Variants in SCRIB observed in about 807,000 individuals in gnomAD.
SCRIB encodes the protein scribble planar cell polarity protein.
Under a neutral mutation model 170.0 loss-of-function variants are expected in SCRIB, and 72 were observed. The observed-to-expected ratio is 0.42, with a 90% CI of 0.35 to 0.52. SCRIB has a LOEUF of 0.52. SCRIB is among the 20% of genes least tolerant of loss of function. The pLI is 0.02. For synonymous variants in SCRIB, 1,298 were observed against 1,044.3 expected (o/e 1.24, Z -4.68); for missense variants, 2,475 against 2,338.5 (o/e 1.06, Z -1.20).
At position 143,806,401 on chromosome 8, in the gene SCRIB, A is replaced by T; in HGVS notation, c.2346+6T>A. Reference sequence around the variant, plus strand: ...GCCACTCGGGGCGGAGAGGTTGCCGACTCACCTCCAGGAGCTTGTCACCCA... The same window carrying T: ...GCCACTCGGGGCGGAGAGGTTGCCGTCTCACCTCCAGGAGCTTGTCACCCA... On this transcript the variant is annotated splice_donor_region_variant and intron_variant, in intron 18 of 36. Transcript: ENST00000356994. 3 of 1,599,252 alleles carry T rather than the reference A, an allele frequency of 1.9e-6. No individual in the cohort carries two copies. The highest frequency in any genetic ancestry group is 2.6e-6 in the Non-Finnish European group (3 of 1,172,542).
rs781947215 is a variant in SCRIB at position 143,793,011 on chromosome 8, G to A, written c.3982C>T (p.Pro1328Ser). 3 of 1,514,004 alleles carry A rather than the reference G, an allele frequency of 2.0e-6. No individual in the cohort carries two copies. Among genetic ancestry groups the A allele is most frequent in the Admixed American group, 2.2e-5 (1 of 44,624 alleles). 93.8% of individuals were successfully genotyped at this position (1,514,004 alleles called of 1,614,324 possible). Reference protein sequence around the residue: ...KQAYRAFAAVPTSHPPEDAPA... With the variant: ...KQAYRAFAAVSTSHPPEDAPA... ...GCATCCTCAGGCGGGTGAGAAGTGG[G>A]CACGGCCGCGAAGGCCCTGTAGGCC... is the stretch of plus-strand genomic sequence containing the variant. Residue 1328 changes from proline (P) to serine (S), a missense_variant, in exon 29 of 37, where the codon CCC becomes TCC. Pro to Ser is a moderately conservative substitution (Grantham distance 74). Transcript: ENST00000356994.
chr8:143,812,787 C>A, intron 8 of SCRIB, 30 bp downstream of exon 8: 1 of 1,590,434 alleles, frequency 6.3e-7, no homozygotes, highest in Non-Finnish European at 8.5e-7. Context: ...GCTCCGTGTG[C>A]CCCACCCAGG....
Position 143,808,752 on chromosome 8 carries a change from G to T in SCRIB, c.1972C>A (p.Gln658Lys). Reference sequence around the variant, plus strand: ...TCTTCCTCCTCCTCCTCCTCCTTCTGGGCCCGAGGAGCCCAGGGTGCGTGG... The same window carrying T: ...TCTTCCTCCTCCTCCTCCTCCTTCTTGGCCCGAGGAGCCCAGGGTGCGTGG... ...GPHAPWAPRA[Q>K]KEEEEEEEGS... Residue 658 changes from glutamine (Q) to lysine (K), a missense_variant, in exon 15 of 37, where the codon CAG becomes AAG. Transcript: ENST00000356994. The T allele has an allele frequency of 6.2e-7, 1 of 1,606,172 alleles. No homozygotes were observed. The highest frequency in any genetic ancestry group is 8.5e-7 in the Non-Finnish European group (1 of 1,175,986).
Position 143,804,029 on chromosome 8 carries a change from T to C in SCRIB, c.3120+17A>G. 6.3e-7 allele frequency: 1 copy of C among 1,597,112 alleles called. No homozygotes were observed. The highest frequency in any genetic ancestry group is 1.1e-5 in the South Asian group (1 of 89,504). On this transcript the variant is annotated intron_variant, in intron 22 of 36. Coordinates refer to ENST00000356994, the MANE Select transcript of SCRIB (RefSeq NM_182706.5). ...TGGGTGCACCTCTCACAGAACCGCC[T>C]GGATGGGCCGCCCTACCTTGGAGAT...
intron 18 of SCRIB, 22 bp downstream of exon 18, chr8:143,806,385 G>C: frequency 6.3e-7 from 1 of 1,580,562 alleles, no homozygotes; most frequent in Non-Finnish European, 8.6e-7. Flanking sequence ...TGCCACTCGG[G>C]GCGGAGAGGT....
rs782680800 is a variant in SCRIB at position 143,795,542 on chromosome 8, G to A, written c.3604-12C>T. 1.9e-6 allele frequency: 3 copies of A among 1,604,168 alleles called. No homozygotes were observed. The highest frequency in any genetic ancestry group is 2.6e-6 in the Non-Finnish European group (3 of 1,174,476). On this transcript the variant is annotated splice_polypyrimidine_tract_variant and intron_variant, in intron 24 of 36. Coordinates refer to ENST00000356994, the MANE Select transcript of SCRIB (RefSeq NM_182706.5). ...ACACCTGGGGACACCTGAGAAGAGG[G>A]GTGTGGGCTAAGAAGGGGGGACTGC...
At position 143,791,828 on chromosome 8, in the gene SCRIB, C is replaced by CG. The variant is rs782206830; in HGVS notation, c.4695+47_4695+48insC. ...GGGGGTGGGGGCAGGCCAGACCCCA[C>CG]CCCCATGCCTCGGGGGTGAAGGGAA... is the stretch of plus-strand genomic sequence containing the variant. On this transcript the variant is annotated intron_variant, in intron 34 of 36. Transcript: ENST00000356994. 503 of 1,506,034 alleles carry CG rather than the reference C, an allele frequency of 3.3e-4. 8 individuals carry two copies. The East Asian group carries it at 9.1e-3, about 27-fold the overall frequency. 93.3% of individuals were successfully genotyped at this position (1,506,034 alleles called of 1,614,324 possible).
chr8:143,813,394 G>A lies in SCRIB; in HGVS notation c.504-20C>T. 1 of 1,613,404 alleles carries A rather than the reference G, an allele frequency of 6.2e-7. No individual in the cohort carries two copies. The highest frequency in any genetic ancestry group is 1.1e-5 in the South Asian group (1 of 91,082). On this transcript the variant is annotated intron_variant, in intron 5 of 36. Transcript: ENST00000356994. ...AGGGACCTGCAGAGGAAGCAGGGTG[G>A]AGGTGTGGCCACGCAGCCCTGGTCC... is the stretch of plus-strand genomic sequence containing the variant.
chr8:143,796,112 C>T (rs1173138595), intron 24 of SCRIB, among the ~76,000 whole-genome samples: 3 of 152,128 alleles, frequency 2.0e-5, no homozygotes, highest in Non-Finnish European at 4.4e-5. Flanking sequence ...TCAGGCAGGG[C>T]AGAGGGGGGC....
chr8:143,793,984 G>T (rs1554633585), intron 27 of SCRIB, 22 bp from the exon 28 acceptor site: 2 of 1,610,458 alleles, frequency 1.2e-6, no homozygotes, highest in Non-Finnish European at 1.7e-6. Flanking sequence ...GGCAGTGGGT[G>T]GGGTGAGGAT....
At position 143,806,399 on chromosome 8, in the gene SCRIB, C is replaced by T. The variant is rs200224221; in HGVS notation, c.2346+8G>A. 1.5e-5 allele frequency: 24 copies of T among 1,597,730 alleles called. No homozygotes were observed. The Middle Eastern group carries it at 4.9e-4, about 33-fold the overall frequency. ...CTGCCACTCGGGGCGGAGAGGTTGC[C>T]GACTCACCTCCAGGAGCTTGTCACC... is the stretch of plus-strand genomic sequence containing the variant. On this transcript the variant is annotated splice_region_variant and intron_variant, in intron 18 of 36. Coordinates refer to ENST00000356994, the MANE Select transcript of SCRIB (RefSeq NM_182706.5).
In SCRIB at chr8:143,804,176, C is replaced by G; in HGVS notation, c.3010-20G>C. ...GATCTCCTGGGGATTTAGGGCGGGA[C>G]AAGGACAGGCCTCGGTCAGGACAGG... On this transcript the variant is annotated intron_variant, in intron 21 of 36. Coordinates refer to ENST00000356994, the MANE Select transcript of SCRIB (RefSeq NM_182706.5). The G allele has an allele frequency of 6.4e-7, 1 of 1,562,464 alleles. No individual in the cohort carries two copies. Among genetic ancestry groups the G allele is most frequent in the South Asian group, 1.1e-5 (1 of 87,760 alleles).
In SCRIB at chr8:143,813,916, T is replaced by G. The variant is rs1815886079; in HGVS notation, c.278-20A>C. The stretch of plus-strand genomic sequence containing the variant: ...GGATATCTGTCACAGAGGGTCACAG[T>G]GGACAGATGCCATGGCCTGCAGGCC... On this transcript the variant is annotated intron_variant, in intron 2 of 36. Coordinates refer to ENST00000356994, the MANE Select transcript of SCRIB (RefSeq NM_182706.5). The G allele has an allele frequency of 6.2e-7, 1 of 1,604,078 alleles. No individual in the cohort carries two copies. The highest frequency in any genetic ancestry group is 8.5e-7 in the Non-Finnish European group (1 of 1,173,248).
intron 21 of SCRIB, 70 bp from the exon 22 acceptor site, chr8:143,804,226 G>A (rs1815307265): frequency 2.5e-6 from 3 of 1,190,564 alleles, no homozygotes; most frequent in Non-Finnish European, 3.6e-6. Flanking sequence ...GGGCTCCCAA[G>A]AGTCCGTCCC....
intron 14 of SCRIB, 57 bp from the exon 15 acceptor site, chr8:143,809,082 A>T: frequency 7.1e-6 from 11 of 1,555,616 alleles, no homozygotes; most frequent in Non-Finnish European, 9.5e-6. Context: ...TTCCACAGGA[A>T]GACCCTACTA....
In SCRIB at chr8:143,810,678, C is replaced by T. The variant is rs1334576648; in HGVS notation, c.1404+8G>A. 3.1e-6 allele frequency: 5 copies of T among 1,602,636 alleles called. No individual in the cohort carries two copies. Among genetic ancestry groups the T allele is most frequent in the African/African-American group, 1.3e-5 (1 of 74,878 alleles). On this transcript the variant is annotated splice_region_variant and intron_variant, in intron 12 of 36. Transcript: ENST00000356994. ...AGAGGTTCGCCCCCCAGATCCTCAC[C>T]CTCATACCCGCTTCTCAGCTGCAGC...
rs148555909 is a variant in SCRIB at position 143,810,814 on chromosome 8, C to T, written c.1276G>A (p.Asp426Asn). 20,940 of 1,601,412 alleles carry T rather than the reference C, an allele frequency of 0.013. 171 individuals are homozygous for T. Among genetic ancestry groups the T allele is most frequent in the Non-Finnish European group, 0.015 (17,060 of 1,176,468 alleles). ...GAGAGGCTCCCCTGCTGCCCAGCATCCTCTGCAGCAGGTGAGCGTCAGGAC... is the reference window on the plus strand; with the variant it reads ...GAGAGGCTCCCCTGCTGCCCAGCATTCTCTGCAGCAGGTGAGCGTCAGGAC... ...LPQQPPPSLE[D>N]AGQQGSLSET... The change falls in exon 12 of 37, where the codon GAT (aspartate) becomes AAT (asparagine). Residue 426 changes from aspartate to asparagine, a missense_variant and splice_region_variant. By Grantham distance (23) the Asp-to-Asn change is conservative. This residue lies in a region of SCRIB where 1,966 missense variants were observed against 1,742.9 expected (regional missense o/e 1.13). Coordinates refer to ENST00000356994, the MANE Select transcript of SCRIB (RefSeq NM_182706.5).
intron 8 of SCRIB, 64 bp downstream of exon 8, chr8:143,812,753 G>C: frequency 6.4e-7 from 1 of 1,560,950 alleles, no homozygotes; most frequent in Non-Finnish European, 8.7e-7. Context: ...CAGCCCCGAC[G>C]CCCCACGCTC....
intron 25 of SCRIB, 37 bp from the exon 26 acceptor site, chr8:143,795,370 C>T (rs372670489): frequency 1.2e-5 from 19 of 1,612,234 alleles, no homozygotes; most frequent in East Asian, 2.2e-5. Context: ...CAGGCACCAC[C>T]GGCCTCGGGC....
Sources: allele counts gnomAD v4.1 joint callset (sites outside exome capture counted in the v4.1 genomes callset), GRCh38; gene constraint gnomAD v4.1.1; regional missense constraint gnomAD v4.1.1; transcripts MANE v1.5; gene names NCBI Gene and HGNC (gene_info 2026-07-23, HGNC 2026-07-21).